Variants in PTPRC observed in about 807,000 individuals in gnomAD.
PTPRC encodes the protein protein tyrosine phosphatase receptor type C, also known as receptor-type tyrosine-protein phosphatase C.
Under a neutral mutation model 155.9 loss-of-function variants are expected in PTPRC, and 44 were observed. The observed-to-expected ratio is 0.28, with a 90% CI of 0.22 to 0.36. PTPRC has a LOEUF of 0.36. Ranked by LOEUF, PTPRC falls within the 10% of genes least tolerant of loss-of-function variation. The pLI is 1.00. For missense variants in PTPRC, 1,401 were observed against 1,564.6 expected, an observed-to-expected ratio of 0.90 and a Z score of 1.76; for synonymous variants, 525 against 533.1, an observed-to-expected ratio of 0.98 and a Z score of 0.21.
At chr1:198,662,577 G>C (rs1044374820) in intron 2 of PTPRC, among the ~76,000 whole-genome samples, 1 of 151,704 alleles carries the variant, frequency 6.6e-6, no homozygotes, top group Non-Finnish European at 1.5e-5. Flanking sequence ...TTATATGATA[G>C]AAATAAGAGA....
intron 8 of PTPRC, among the ~76,000 whole-genome samples, chr1:198,705,869 A>T (rs1250606373): frequency 6.6e-6 from 1 of 152,118 alleles, no homozygotes; most frequent in Non-Finnish European, 1.5e-5. Flanking sequence ...AACACAAACT[A>T]AGTCACTTTC....
chr1:198,676,197 G>T (rs1229210084), intron 2 of PTPRC, among the ~76,000 whole-genome samples: 1 of 152,128 alleles, frequency 6.6e-6, no homozygotes, highest in South Asian at 2.1e-4. Context: ...AGTATTGGAC[G>T]CCACAATCTT....
chr1:198,668,243 A>C (rs1664436462), intron 2 of PTPRC, among the ~76,000 whole-genome samples: 1 of 152,096 alleles, frequency 6.6e-6, no homozygotes, highest in Non-Finnish European at 1.5e-5. Context: ...ACAGGGTCTC[A>C]CTATATTCCC....
At chr1:198,742,103 A>G (rs1654928306) in intron 24 of PTPRC, 77 bp downstream of exon 24, 1 of 1,602,290 alleles carries the variant, frequency 6.2e-7, no homozygotes. Context: ...GCTGTTAGAG[A>G]CATCTTTCCC....
chr1:198,731,322 G>C (rs1654377362), intron 17 of PTPRC, among the ~76,000 whole-genome samples: 1 of 151,978 alleles, frequency 6.6e-6, no homozygotes, highest in African/African-American at 2.4e-5. Context: ...AGTCAAACGT[G>C]AATGTCCTTA....
At chr1:198,642,400 C>CTATCTATCTATCTATCTAT (rs61539576) in intron 2 of PTPRC, among the ~76,000 whole-genome samples, 1 of 151,630 alleles carries the variant, frequency 6.6e-6, no homozygotes, top group Non-Finnish European at 1.5e-5. Flanking sequence ...ATCTATCTAT[C>CTATCTATCTATCTATCTAT]AGTTCTCCAT....
intron 2 of PTPRC, among the ~76,000 whole-genome samples, chr1:198,670,172 G>T (rs1206731178): frequency 6.6e-6 from 1 of 151,970 alleles, no homozygotes; most frequent in African/African-American, 2.4e-5. Flanking sequence ...CTTGACTGGG[G>T]CCTACTTTAC....
intron 12 of PTPRC, among the ~76,000 whole-genome samples, chr1:198,714,790 A>C (rs1653491795): frequency 1.3e-5 from 2 of 152,222 alleles, no homozygotes. Flanking sequence ...TTACTATTAA[A>C]AATCCACAGG....
In PTPRC at chr1:198,756,338, A is replaced by AAGAT. The variant is rs1491407012; in HGVS notation, c.*160_*163dup. On this transcript the variant is annotated 3_prime_UTR_variant, in exon 33 of 33. Coordinates refer to ENST00000442510, the MANE Select transcript of PTPRC (RefSeq NM_002838.5). ...ATTTTACTACTGTGGAAAAATATTT[A>AAGAT]AGATAGTTTTGCCAGAACAGTTTGT... is the stretch of plus-strand genomic sequence containing the variant. The AAGAT allele has an allele frequency of 9.9e-6, 10 of 1,014,566 alleles. No individual in the cohort carries two copies. The highest frequency in any genetic ancestry group is 5.1e-5 in the Admixed American group (2 of 38,940). 62.8% of individuals were successfully genotyped at this position (1,014,566 alleles called of 1,614,324 possible).
chr1:198,694,906 G>A, intron 3 of PTPRC: 1 of 971,658 alleles, frequency 1.0e-6, no homozygotes, highest in African/African-American at 1.8e-5. Context: ...ACTGTACTTA[G>A]TTGGCTATGC....
At chr1:198,699,953 A>G in intron 5 of PTPRC, 1 of 583,450 alleles carries the variant, frequency 1.7e-6, no homozygotes, top group Non-Finnish European at 3.0e-6. Flanking sequence ...TATTCAGAAT[A>G]GTCTATTTTT....
At chr1:198,644,665 A>G (rs984771019) in intron 2 of PTPRC, among the ~76,000 whole-genome samples, 2 of 151,830 alleles carry the variant, frequency 1.3e-5, no homozygotes, top group Non-Finnish European at 2.9e-5. Context: ...TCTTTCATCT[A>G]GGACAAGAAT....
intron 2 of PTPRC, among the ~76,000 whole-genome samples, chr1:198,677,518 T>C (rs188480119): frequency 3.9e-5 from 6 of 152,052 alleles, no homozygotes; most frequent in Non-Finnish European, 2.9e-5. Flanking sequence ...AACTCAAACA[T>C]ATCCCTCTTA....
At chr1:198,746,132 A>C (rs551810224) in intron 26 of PTPRC, among the ~76,000 whole-genome samples, 6 of 151,958 alleles carry the variant, frequency 3.9e-5, no homozygotes, top group Non-Finnish European at 7.4e-5. Context: ...TTAACCAAAA[A>C]TGATGACAGA....
chr1:198,643,660 T>G (rs1662771022), intron 2 of PTPRC, among the ~76,000 whole-genome samples: 1 of 151,914 alleles, frequency 6.6e-6, no homozygotes, highest in Admixed American at 6.6e-5. Flanking sequence ...TTTCCTAAAT[T>G]TTCTTTGATC....
rs1232703084 is a variant in PTPRC at position 198,718,152 on chromosome 1, C to G, written c.1509C>G (p.Val503=). The stretch of plus-strand genomic sequence containing the variant: ...TGACATCAGATAATAGTATGCATGT[C>G]AAGTGTAGGCCTCCCAGGGACCGTA... The part of the protein sequence containing the change: ...VSMTSDNSMH[V]KCRPPRDRNG... The change falls in exon 14 of 33, where the codon GTC becomes GTG. Residue 503 remains valine (V), a synonymous_variant. Transcript: ENST00000442510. The G allele has an allele frequency of 1.2e-6, 2 of 1,613,948 alleles. No homozygotes were observed. Among genetic ancestry groups the G allele is most frequent in the Non-Finnish European group, 1.7e-6 (2 of 1,179,866 alleles).
intron 2 of PTPRC, among the ~76,000 whole-genome samples, chr1:198,676,993 A>C (rs1664992178): frequency 6.6e-6 from 1 of 152,218 alleles, no homozygotes; most frequent in African/African-American, 2.4e-5. Context: ...TGGATGGCTC[A>C]GTCCTTATAA....
In PTPRC at chr1:198,652,649, C is replaced by T. The variant is rs559784340; in HGVS notation, c.73+13308C>T. The stretch of plus-strand genomic sequence containing the variant: ...TCCATCTAGGTAAAAGAGGAATCAG[C>T]ATCATTGAAATGTGAATAGCTGTGA... On this transcript the variant is annotated intron_variant, in intron 2 of 32. Transcript: ENST00000442510. Among the ~76,000 whole-genome samples, 3 of 151,066 alleles carry T rather than the reference C, an allele frequency of 2.0e-5. No individual in the cohort carries two copies. The South Asian group carries it at 6.3e-4, about 32-fold the overall frequency.
intron 2 of PTPRC, among the ~76,000 whole-genome samples, chr1:198,643,527 C>A (rs547596038): frequency 6.6e-6 from 1 of 151,804 alleles, no homozygotes; most frequent in East Asian, 1.9e-4. Flanking sequence ...TACAGTCTTG[C>A]CTTTTTGTTT....
Sources: gnomAD v4.1 joint callset for allele counts (sites outside exome capture counted in the v4.1 genomes callset) on GRCh38, gnomAD v4.1.1 for gene constraint, MANE v1.5 for transcripts, NCBI Gene and HGNC (gene_info 2026-07-23, HGNC 2026-07-21) for gene names.